The following MTUS2 variants were observed in gnomAD, a reference collection of about 807,000 sequenced individuals.
MTUS2 encodes the protein microtubule associated scaffold protein 2, also known as microtubule-associated tumor suppressor candidate 2.
Under a neutral mutation model 114.1 loss-of-function variants are expected in MTUS2, and 40 were observed. The ratio of observed to expected loss-of-function variants is 0.35; its 90% CI spans 0.27 to 0.46. The LOEUF (loss-of-function observed/expected upper bound fraction) is 0.46. Ranked by LOEUF, MTUS2 falls within the 20% of genes least tolerant of loss-of-function variation. The pLI is 1.00. For synonymous variants in MTUS2, 688 were observed against 672.0 expected (o/e 1.02, Z -0.37); for missense variants, 1,679 against 1,705.4 (o/e 0.98, Z 0.27).
intron 5 of MTUS2, among the ~76,000 whole-genome samples, chr13:29,201,975 A>T (rs143337153): frequency 6.6e-6 from 1 of 151,990 alleles, no homozygotes; most frequent in African/African-American, 2.4e-5. Context: ...TCTGACGATT[A>T]TGTGTCTTGG....
At chr13:29,325,519 G>T (rs1211558722) in intron 7 of MTUS2, among the ~76,000 whole-genome samples, 5 of 145,798 alleles carry the variant, frequency 3.4e-5, no homozygotes, top group African/African-American at 5.2e-5. Flanking sequence ...GAAGGAGGAG[G>T]AGGAGGGAGG....
At chr13:28,833,828 A>G (rs1217143015) in intron 1 of MTUS2, among the ~76,000 whole-genome samples, 1 of 152,088 alleles carries the variant, frequency 6.6e-6, no homozygotes, top group Non-Finnish European at 1.5e-5. Flanking sequence ...TGAGAACTAA[A>G]AAGTTCAGTA....
intron 6 of MTUS2, among the ~76,000 whole-genome samples, chr13:29,292,384 G>A (rs895368768): frequency 6.6e-6 from 1 of 152,194 alleles, no homozygotes; most frequent in Non-Finnish European, 1.5e-5. Flanking sequence ...AGTTTTTGGT[G>A]AGTGATTCTT....
intron 5 of MTUS2, among the ~76,000 whole-genome samples, chr13:29,167,756 A>C (rs1399201320): frequency 6.6e-6 from 1 of 152,158 alleles, no homozygotes; most frequent in Non-Finnish European, 1.5e-5. Context: ...ATGCTCACTG[A>C]AGCATTTGGG....
At chr13:29,099,182 C>T (rs189865048) in intron 4 of MTUS2, among the ~76,000 whole-genome samples, 15 of 152,288 alleles carry the variant, frequency 9.8e-5, no homozygotes, top group East Asian at 1.9e-4. Flanking sequence ...CTGATACAAA[C>T]GGGCCATTAC....
intron 2 of MTUS2, among the ~76,000 whole-genome samples, chr13:28,954,877 C>A (rs1280591107): frequency 2.0e-5 from 3 of 152,062 alleles, no homozygotes; most frequent in African/African-American, 7.2e-5. Flanking sequence ...GGAGTAGAGT[C>A]CATTCAGAAG....
chr13:29,419,692 T>C (rs1216373931), intron 8 of MTUS2, among the ~76,000 whole-genome samples: 2 of 152,166 alleles, frequency 1.3e-5, no homozygotes, highest in Non-Finnish European at 2.9e-5. Context: ...TGAAATTTTG[T>C]GTTTGAGTTT....
intron 2 of MTUS2, among the ~76,000 whole-genome samples, chr13:29,003,987 C>G (rs952760085): frequency 6.6e-6 from 1 of 152,072 alleles, no homozygotes; most frequent in African/African-American, 2.4e-5. Context: ...GCTCACTTTC[C>G]CAGGGGAAAG....
intron 8 of MTUS2, among the ~76,000 whole-genome samples, chr13:29,374,731 T>C (rs1317125841): frequency 2.6e-5 from 4 of 152,114 alleles, no homozygotes; most frequent in Non-Finnish European, 5.9e-5. Context: ...ACCCCATGTC[T>C]ACTAAAAATA....
chr13:29,071,541 C>G, intron 4 of MTUS2, among the ~76,000 whole-genome samples: 1 of 149,250 alleles, frequency 6.7e-6, no homozygotes, highest in Non-Finnish European at 1.5e-5. Flanking sequence ...ATTCTACTGC[C>G]TCAGCCTCCT....
At chr13:29,442,656 T>C (rs1373302510) in intron 9 of MTUS2, among the ~76,000 whole-genome samples, 1 of 52,008 alleles carries the variant, frequency 1.9e-5, no homozygotes, top group African/African-American at 6.4e-5. Context: ...CATTGGTGTG[T>C]TTCCCTCGGA....
Position 29,480,483 on chromosome 13 carries a change from C to A in MTUS2, c.3399+119C>A. On this transcript the variant is annotated intron_variant, in intron 10 of 15. Coordinates refer to ENST00000612955, the MANE Select transcript of MTUS2 (RefSeq NM_001033602.4). The surrounding 1 kb of genome is among the most constrained non-coding windows in gnomAD (Gnocchi z 4.4). ...GTAGGTGAGCTTTCTGAACAGTTCA[C>A]TTTCTGAGTTGCTTTCTCCTTTCTC... 9.0e-7 allele frequency: 1 copy of A among 1,113,850 alleles called. No homozygotes were observed. The highest frequency in any genetic ancestry group is 1.2e-6 in the Non-Finnish European group (1 of 806,004). The allele number at this position is 1,113,850 out of a possible 1,614,324, so 69.0% of individuals were successfully genotyped here.
At chr13:28,888,340 C>T (rs753247345) in intron 2 of MTUS2, among the ~76,000 whole-genome samples, 11 of 150,786 alleles carry the variant, frequency 7.3e-5, no homozygotes, top group Non-Finnish European at 1.5e-4. Context: ...GTAGAGAGAA[C>T]AGAAAGAGTG....
chr13:29,449,798 G>T (rs999526757), intron 9 of MTUS2, among the ~76,000 whole-genome samples: 2 of 152,108 alleles, frequency 1.3e-5, no homozygotes, highest in Admixed American at 6.5e-5. Flanking sequence ...TCCAAACATG[G>T]ATTATAACAC....
At chr13:29,148,867 C>G (rs1001630149) in intron 5 of MTUS2, among the ~76,000 whole-genome samples, 3 of 152,124 alleles carry the variant, frequency 2.0e-5, no homozygotes, top group South Asian at 4.2e-4. Flanking sequence ...TGATCTTATT[C>G]CTTTTTATGG....
chr13:28,869,747 G>A (rs1335854734), intron 2 of MTUS2, among the ~76,000 whole-genome samples: 2 of 152,138 alleles, frequency 1.3e-5, no homozygotes, highest in Non-Finnish European at 2.9e-5. Flanking sequence ...CACCAGCCTG[G>A]TGACAGAGCG....
In MTUS2 at chr13:29,355,417, A is replaced by G. The variant is rs533349535; in HGVS notation, c.2906-3845A>G. On this transcript the variant is annotated intron_variant, in intron 7 of 15. Transcript: ENST00000612955. ...ATGATTGGGGTAACATTTAGATGGC[A>G]GGAGGGTGTTCTAGATTTAGAGTAT... Among the ~76,000 whole-genome samples the G allele has an allele frequency of 3.3e-5, 5 of 152,366 alleles. No homozygotes were observed. In the South Asian group the frequency reaches 8.3e-4, roughly 25 times the overall value.
chr13:29,218,325 G>A (rs921300938), intron 5 of MTUS2, among the ~76,000 whole-genome samples: 5 of 152,164 alleles, frequency 3.3e-5, no homozygotes, highest in Admixed American at 6.5e-5. Context: ...ATTCTCATTC[G>A]TTTGCTATTT....
chr13:29,113,007 T>C (rs1890941832), intron 5 of MTUS2, among the ~76,000 whole-genome samples: 1 of 152,266 alleles, frequency 6.6e-6, no homozygotes, highest in South Asian at 2.1e-4. Flanking sequence ...AGAAGGCCCA[T>C]GTGAGGTTGG....
Sources: allele counts gnomAD v4.1 joint callset (sites outside exome capture counted in the v4.1 genomes callset), GRCh38; gene constraint gnomAD v4.1.1; non-coding constraint Gnocchi (gnomAD v3.1); transcripts MANE v1.5; gene names NCBI Gene and HGNC (gene_info 2026-07-23, HGNC 2026-07-21).